The following ZNF248 variants were observed in gnomAD, a reference collection of about 807,000 sequenced individuals.
ZNF248 encodes the protein KRAB protein domain.
A neutral mutation model predicts 44.3 loss-of-function variants in ZNF248; 20 were observed. That is an observed-to-expected ratio of 0.45 (90% CI 0.32 to 0.66). ZNF248 has a LOEUF of 0.66. ZNF248 is among the 30% of genes least tolerant of loss of function. The pLI is 0.04. For synonymous variants in ZNF248, 224 were observed against 229.0 expected (o/e 0.98, Z 0.20); for missense variants, 654 against 677.0 (o/e 0.97, Z 0.38).
the ZNF248 span, among the ~76,000 whole-genome samples, chr10:37,760,764 G>C: frequency 1.1e-4 from 17 of 152,104 alleles, no homozygotes; most frequent in Admixed American, 1.1e-3. Flanking sequence ...AACCCAAGAG[G>C]CAGAGGTTGC....
At chr10:37,841,437 A>G (rs1379724232) in intron 3 of ZNF248, among the ~76,000 whole-genome samples, 2 of 152,104 alleles carry the variant, frequency 1.3e-5, no homozygotes, top group Non-Finnish European at 2.9e-5. Flanking sequence ...ATTAAAAACA[A>G]AATTGTCTAC....
the ZNF248 span, among the ~76,000 whole-genome samples, chr10:37,764,274 T>A: frequency 2.1e-4 from 32 of 152,216 alleles, 1 homozygote; most frequent in Non-Finnish European, 4.0e-4. Flanking sequence ...CGGTCTCCCG[T>A]AGCACTCCCA....
chr10:37,770,772 G>T, the ZNF248 span, among the ~76,000 whole-genome samples: 3 of 152,098 alleles, frequency 2.0e-5, no homozygotes, highest in Admixed American at 2.0e-4. Context: ...ATTGACAAAT[G>T]GGATCTAATT....
chr10:37,792,628 G>T (rs1270118194), intron 6 of ZNF248, among the ~76,000 whole-genome samples: 8 of 152,086 alleles, frequency 5.3e-5, no homozygotes, highest in Admixed American at 2.0e-4. Flanking sequence ...AGTCATGTTG[G>T]TATCATGCAC....
intron 5 of ZNF248, among the ~76,000 whole-genome samples, chr10:37,836,435 C>CG (rs1564600898): frequency 1.3e-5 from 2 of 152,108 alleles, no homozygotes; most frequent in Non-Finnish European, 2.9e-5. Flanking sequence ...CCACCATGCC[C>CG]GCTAGCTTCC....
At chr10:37,856,208 C>G in intron 3 of ZNF248, 88 bp downstream of exon 3, 2 of 1,470,094 alleles carry the variant, frequency 1.4e-6, no homozygotes, top group Non-Finnish European at 1.9e-6. Context: ...TTGCCTATTT[C>G]TATTTTTCCA....
intron 6 of ZNF248, among the ~76,000 whole-genome samples, chr10:37,777,714 T>C (rs911987015): frequency 8.1e-6 from 1 of 122,858 alleles, no homozygotes; most frequent in African/African-American, 3.2e-5. Flanking sequence ...GTCCCCAGAG[T>C]GTGATATTCC....
At chr10:37,769,089 G>T in the ZNF248 span, among the ~76,000 whole-genome samples, 1 of 152,132 alleles carries the variant, frequency 6.6e-6, no homozygotes, top group African/African-American at 2.4e-5. Flanking sequence ...TTGAATCTCT[G>T]AATAGACCAA....
At chr10:37,824,673 ATT>A (rs755411927), downstream of ZNF248, among the ~76,000 whole-genome samples, 23 of 79,724 alleles carry the variant, frequency 2.9e-4, no homozygotes, top group East Asian at 8.8e-4. Context: ...ATTATTTTAA[ATT>A]TTTTTTTTTT....
intron 6 of ZNF248, among the ~76,000 whole-genome samples, chr10:37,792,425 T>A (rs907286572): frequency 6.6e-6 from 1 of 152,180 alleles, no homozygotes; most frequent in Non-Finnish European, 1.5e-5. Context: ...TTTGGAAGAC[T>A]AGAAATAATA....
the ZNF248 span, among the ~76,000 whole-genome samples, chr10:37,760,339 T>C: frequency 6.6e-6 from 1 of 152,052 alleles, no homozygotes; most frequent in African/African-American, 2.4e-5. Flanking sequence ...CAGGCAATCC[T>C]CCCACCTCAG....
intron 6 of ZNF248, among the ~76,000 whole-genome samples, chr10:37,777,388 C>T (rs773095801): frequency 4.9e-4 from 75 of 152,164 alleles, no homozygotes; most frequent in Middle Eastern, 3.2e-3. Context: ...GCATAAACAC[C>T]CGTAGCTTCC....
downstream of ZNF248, among the ~76,000 whole-genome samples, chr10:37,774,853 T>C (rs1255325352): frequency 6.6e-6 from 1 of 152,184 alleles, no homozygotes; most frequent in Non-Finnish European, 1.5e-5. Context: ...CAATCTCAGC[T>C]CACTGCAACC....
chr10:37,762,177 G>T, the ZNF248 span, among the ~76,000 whole-genome samples: 1 of 152,268 alleles, frequency 6.6e-6, no homozygotes, highest in African/African-American at 2.4e-5. Flanking sequence ...GGAATAAGTG[G>T]GGGATAACTG....
chr10:37,828,498 T>C (rs890446530), downstream of ZNF248, among the ~76,000 whole-genome samples: 5 of 152,168 alleles, frequency 3.3e-5, no homozygotes, highest in Non-Finnish European at 1.5e-5. Flanking sequence ...CCAATAAAAA[T>C]ATTCTAGGAG....
chr10:37,775,789 C>T (rs1029623683), downstream of ZNF248, among the ~76,000 whole-genome samples: 2 of 152,162 alleles, frequency 1.3e-5, no homozygotes, highest in South Asian at 4.1e-4. Flanking sequence ...GAGTTGCTAA[C>T]CCTTAAGGAA....
At chr10:37,801,063 A>G (rs1309961441) in intron 6 of ZNF248, among the ~76,000 whole-genome samples, 1 of 151,802 alleles carries the variant, frequency 6.6e-6, no homozygotes, top group Non-Finnish European at 1.5e-5. Context: ...TGCCCGGCCT[A>G]AACAACATTT....
chr10:37,820,358 CT>C, intron 6 of ZNF248: 1 of 1,425,040 alleles, frequency 7.0e-7, no homozygotes, highest in South Asian at 1.1e-5. Context: ...GTGCCAGCTG[CT>C]CTGGGTCAAG....
intron 3 of ZNF248, among the ~76,000 whole-genome samples, chr10:37,845,874 C>G (rs1034849527): frequency 6.6e-5 from 10 of 152,038 alleles, no homozygotes; most frequent in African/African-American, 2.4e-4. Flanking sequence ...CACAACACAC[C>G]CAACAGAAGA....
Sources: gnomAD v4.1 joint callset for allele counts (sites outside exome capture counted in the v4.1 genomes callset) on GRCh38, gnomAD v4.1.1 for gene constraint, MANE v1.5 for transcripts, NCBI Gene and HGNC (gene_info 2026-07-23, HGNC 2026-07-21) for gene names.